Variants in PHC1 observed in about 807,000 individuals in gnomAD.
The protein encoded by PHC1 is polyhomeotic-like protein 1.
Under a neutral mutation model 104.3 loss-of-function variants are expected in PHC1, and 12 were observed. The ratio of observed to expected loss-of-function variants is 0.12; its 90% confidence interval spans 0.07 to 0.19. The LOEUF is 0.19. Among genes scored for constraint, PHC1 ranks in the 10% least tolerant of loss-of-function variants. The probability of loss-of-function intolerance (pLI) is 1.00; values close to 1 mark genes in which losing one functional copy is unlikely to be tolerated. For missense variants in PHC1, 671 were observed against 1,200.0 expected (o/e 0.56, Z 6.51); for synonymous variants, 302 against 455.8 (o/e 0.66, Z 4.30).
chr12:8,933,846 C>G lies in PHC1; in HGVS notation c.1894-19C>G, dbSNP rs1945758976. ...TTCATTTGTACATCTTTGTTTCTTT[C>G]CTATTCTTTACGGTATAGGGTAAAC... On this transcript the variant is annotated intron_variant, in intron 8 of 14. Coordinates refer to ENST00000544916, the MANE Select transcript of PHC1 (RefSeq NM_004426.3). 6.2e-7 allele frequency: 1 copy of G among 1,602,200 alleles called. No individual in the cohort carries two copies. Among genetic ancestry groups the G allele is most frequent in the Admixed American group, 1.7e-5 (1 of 59,428 alleles).
Position 8,919,733 on chromosome 12 carries a change from T to A in PHC1, c.115-23T>A. The A allele has an allele frequency of 1.9e-6, 3 of 1,604,482 alleles. No individual in the cohort carries two copies. On this transcript the variant is annotated intron_variant, in intron 2 of 14. Transcript: ENST00000544916. The surrounding 1 kb of genome is among the most constrained non-coding windows in gnomAD (Gnocchi z 4.9). ...GGAGCTAGGAGTGGTCCATTCTAAA[T>A]GTTTTATCCTCTCTTTTCCTAGGCT...
intron 13 of PHC1, among the ~76,000 whole-genome samples, chr12:8,937,554 G>A (rs1945874824): frequency 6.6e-6 from 1 of 152,018 alleles, no homozygotes; most frequent in African/African-American, 2.4e-5. Flanking sequence ...GAGTACAATT[G>A]TTAATTGTAC....
Position 8,919,642 on chromosome 12 carries a change from A to C in PHC1, c.115-114A>C. The C allele has an allele frequency of 9.4e-7, 1 of 1,068,992 alleles. No individual in the cohort carries two copies. The highest frequency in any genetic ancestry group is 1.4e-6 in the Non-Finnish European group (1 of 739,630). The allele number at this position is 1,068,992 out of a possible 1,614,324, so 66.2% of individuals were successfully genotyped here. A position where few individuals can be genotyped will look rare whatever the true frequency, so the allele number is the denominator to read the frequency against. ...CGTTGACGATTTAGCCCAAACTCCC[A>C]TCTCCTCTGGTTTCTGTCCTTCCCA... On this transcript the variant is annotated intron_variant, in intron 2 of 14. Transcript: ENST00000544916. This position sits in a 1 kb window ranked among gnomAD's most constrained non-coding sequence, Gnocchi z 4.9.
intron 6 of PHC1, 87 bp downstream of exon 6, chr12:8,922,875 T>TA: frequency 8.6e-7 from 1 of 1,168,834 alleles, no homozygotes; most frequent in Non-Finnish European, 1.2e-6. Context: ...TCTGCCCCAT[T>TA]ACACTTTTCA....
At chr12:8,921,424 A>G (rs767906557) in intron 4 of PHC1, among the ~76,000 whole-genome samples, 177 bp from the exon 5 acceptor site, 34 of 152,254 alleles carry the variant, frequency 2.2e-4, no homozygotes, top group African/African-American at 7.2e-4. Context: ...TCACTTTGGT[A>G]ATACCCTAAA....
Position 8,940,254 on chromosome 12 carries a change from AAC to A in PHC1, c.*797_*798del, listed in dbSNP as rs1945971477. On this transcript the variant is annotated 3_prime_UTR_variant, in exon 15 of 15. Coordinates refer to ENST00000544916, the MANE Select transcript of PHC1 (RefSeq NM_004426.3). ...CTGCCTTAGGCACTATTCCTTATAT[AAC>A]AAAAATATTAAATATTTTTTTCCTC... The A allele has an allele frequency of 6.2e-6, 1 of 161,744 alleles. No homozygotes were observed. The highest frequency in any genetic ancestry group is 2.5e-5 in the African/African-American group (1 of 40,704). 10.0% of individuals were successfully genotyped at this position (161,744 alleles called of 1,614,324 possible).
At chr12:8,917,179 C>T (rs1490548540) in intron 1 of PHC1, among the ~76,000 whole-genome samples, 1 of 152,146 alleles carries the variant, frequency 6.6e-6, no homozygotes, top group Non-Finnish European at 1.5e-5. Context: ...GGTGAAGTGC[C>T]TAGCCCAGTG....
At chr12:8,926,106 T>G (rs1232412811) in intron 6 of PHC1, among the ~76,000 whole-genome samples, 1 of 151,678 alleles carries the variant, frequency 6.6e-6, no homozygotes, top group Non-Finnish European at 1.5e-5. Context: ...AATGTAGGAG[T>G]GTATTTAGAG....
At position 8,919,994 on chromosome 12, in the gene PHC1, C is replaced by T; in HGVS notation, c.225+128C>T. The stretch of plus-strand genomic sequence containing the variant: ...GCAGACAGCCTCCTCCGCCTCCTGT[C>T]CTTCTGTGGGAGGATGGATGCATCT... On this transcript the variant is annotated intron_variant, in intron 3 of 14. Transcript: ENST00000544916. This position sits in a 1 kb window ranked among gnomAD's most constrained non-coding sequence, Gnocchi z 4.9. The T allele has an allele frequency of 1.4e-6, 2 of 1,402,692 alleles. No individual in the cohort carries two copies. Among genetic ancestry groups the T allele is most frequent in the South Asian group, 2.6e-5 (2 of 76,642 alleles). 86.9% of individuals were successfully genotyped at this position (1,402,692 alleles called of 1,614,324 possible). A position where few individuals can be genotyped will look rare whatever the true frequency, so the allele number is the denominator to read the frequency against.
rs758559464 is a variant in PHC1 at position 8,934,015 on chromosome 12, G to A, written c.2041+3G>A. On this transcript the variant is annotated splice_donor_region_variant and intron_variant, in intron 9 of 14. Transcript: ENST00000544916. ...GGACGAGAAGAGCAGTCTTGGAGGT[G>A]AGTAACTGACTTCTAATGCTGTTGG... 1.9e-6 allele frequency: 3 copies of A among 1,614,016 alleles called. No homozygotes were observed. The highest frequency in any genetic ancestry group is 2.2e-5 in the South Asian group (2 of 91,078).
chr12:8,934,943 A>G (rs1349915467), intron 10 of PHC1, among the ~76,000 whole-genome samples, 181 bp from the exon 11 acceptor site: 1 of 151,908 alleles, frequency 6.6e-6, no homozygotes, highest in Non-Finnish European at 1.5e-5. Context: ...ATTTCCAAAC[A>G]TTGTATAGAG....
At chr12:8,936,000 G>A (rs999843757) in intron 11 of PHC1, among the ~76,000 whole-genome samples, 2 of 152,150 alleles carry the variant, frequency 1.3e-5, no homozygotes, top group Non-Finnish European at 2.9e-5. Flanking sequence ...CCGACCTCAG[G>A]TGATCCGCCC....
chr12:8,924,345 T>C (rs1024211949), intron 6 of PHC1, among the ~76,000 whole-genome samples: 1 of 151,948 alleles, frequency 6.6e-6, no homozygotes, highest in African/African-American at 2.4e-5. Flanking sequence ...GGCATGGTGG[T>C]GTGTGCCTGT....
chr12:8,925,106 A>G (rs946171378), intron 6 of PHC1, among the ~76,000 whole-genome samples: 3 of 152,202 alleles, frequency 2.0e-5, no homozygotes, highest in Non-Finnish European at 4.4e-5. Context: ...AAAAATACGC[A>G]TCTGATGGGT....
chr12:8,918,083 A>C (rs1326164397), intron 2 of PHC1, among the ~76,000 whole-genome samples: 2 of 152,196 alleles, frequency 1.3e-5, no homozygotes, highest in Non-Finnish European at 2.9e-5. Context: ...ATCTTTGGCC[A>C]TTCTTGTAAA....
At chr12:8,922,571 A>G in intron 5 of PHC1, 62 bp from the exon 6 acceptor site, 4 of 1,422,454 alleles carry the variant, frequency 2.8e-6, no homozygotes, top group Non-Finnish European at 3.9e-6. Flanking sequence ...CTTCCTTTCC[A>G]TCTCTTCTGT....
In PHC1 at chr12:8,939,957, T is replaced by A. The variant is rs1592218429; in HGVS notation, c.*498T>A. ...TGTAGCTGTGGCTCAGAGTTTTTTC[T>A]TTTTGTTGTCACTTACTCCCTTGTG... On this transcript the variant is annotated 3_prime_UTR_variant, in exon 15 of 15. Coordinates refer to ENST00000544916, the MANE Select transcript of PHC1 (RefSeq NM_004426.3). 2.2e-6 allele frequency: 1 copy of A among 455,288 alleles called. No homozygotes were observed. Among genetic ancestry groups the A allele is most frequent in the Non-Finnish European group, 4.4e-6 (1 of 226,580 alleles). 28.2% of individuals were successfully genotyped at this position (455,288 alleles called of 1,614,324 possible). A position where few individuals can be genotyped will look rare whatever the true frequency, so the allele number is the denominator to read the frequency against.
intron 6 of PHC1, among the ~76,000 whole-genome samples, chr12:8,929,178 T>G (rs2137098989): frequency 6.6e-6 from 1 of 152,372 alleles, no homozygotes; most frequent in Non-Finnish European, 1.5e-5. Flanking sequence ...TTATTTTGAT[T>G]AATAAGCTTT....
intron 4 of PHC1, 104 bp from the exon 5 acceptor site, chr12:8,921,497 G>GAA (rs1945362079): frequency 9.9e-7 from 1 of 1,013,700 alleles, no homozygotes; most frequent in Non-Finnish European, 1.5e-6. Context: ...CCATGAAAGT[G>GAA]AAATACTCTG....
Sources: allele counts gnomAD v4.1 joint callset (sites outside exome capture counted in the v4.1 genomes callset), GRCh38; gene constraint gnomAD v4.1.1; non-coding constraint Gnocchi (gnomAD v3.1); transcripts MANE v1.5; gene names NCBI Gene and HGNC (gene_info 2026-07-23, HGNC 2026-07-21).